ROR2: variants seen among roughly 807,000 people sequenced by gnomAD.
ROR2 encodes the protein tyrosine-protein kinase transmembrane receptor ROR2.
Under a neutral mutation model 74.9 loss-of-function variants are expected in ROR2, and 33 were observed. That is an observed-to-expected ratio of 0.44 (90% CI 0.33 to 0.59). ROR2 has a LOEUF of 0.59. Among genes scored for constraint, ROR2 ranks in the 20% least tolerant of loss-of-function variants. ROR2 has a pLI of 0.02. For missense variants in ROR2, 1,216 were observed against 1,313.8 expected (o/e 0.93, Z 1.15); for synonymous variants, 586 against 558.7 (o/e 1.05, Z -0.69).
At chr9:91,882,416 A>T (rs947842816) in intron 1 of ROR2, among the ~76,000 whole-genome samples, 5 of 152,066 alleles carry the variant, frequency 3.3e-5, no homozygotes, top group East Asian at 1.9e-4. Flanking sequence ...GTCTCAAAAA[A>T]AAAAAAAAAA....
intron 1 of ROR2, among the ~76,000 whole-genome samples, chr9:91,924,405 G>A (rs988390568): frequency 1.3e-5 from 2 of 152,236 alleles, no homozygotes; most frequent in South Asian, 2.1e-4. Flanking sequence ...TTCTGCCTGC[G>A]TCCTCCTGTC....
chr9:91,861,486 T>C (rs372859643), intron 1 of ROR2, among the ~76,000 whole-genome samples: 25 of 152,322 alleles, frequency 1.6e-4, no homozygotes, highest in Non-Finnish European at 3.1e-4. Context: ...TTTGACAAAG[T>C]TGCCAAAACA....
chr9:91,880,354 T>G (rs1355137447), intron 1 of ROR2, among the ~76,000 whole-genome samples: 1 of 152,200 alleles, frequency 6.6e-6, no homozygotes, highest in African/African-American at 2.4e-5. Context: ...TGTGGTGCAT[T>G]GTTACAGCAG....
intron 5 of ROR2, among the ~76,000 whole-genome samples, chr9:91,736,249 A>G (rs926507659): frequency 7.9e-5 from 12 of 152,158 alleles, no homozygotes; most frequent in African/African-American, 2.9e-4. Context: ...CCCTGTCCTC[A>G]GAGGTCTCTG....
intron 1 of ROR2, chr9:91,948,829 A>G (rs942195050): frequency 3.0e-6 from 3 of 985,322 alleles, no homozygotes; most frequent in African/African-American, 3.5e-5. Context: ...CCTGGGCCTG[A>G]AGGCCCCGCC....
intron 1 of ROR2, among the ~76,000 whole-genome samples, chr9:91,776,728 A>C (rs1291498890): frequency 6.6e-6 from 1 of 152,206 alleles, no homozygotes; most frequent in African/African-American, 2.4e-5. Flanking sequence ...TTTGGATTTG[A>C]AATTTTACAT....
At chr9:91,789,686 T>C (rs549235643) in intron 1 of ROR2, among the ~76,000 whole-genome samples, 29 of 152,186 alleles carry the variant, frequency 1.9e-4, no homozygotes, top group African/African-American at 6.7e-4. Context: ...CCATCAAATA[T>C]ATATAAACAA....
chr9:91,834,572 T>G (rs1216017007), intron 1 of ROR2, among the ~76,000 whole-genome samples: 3 of 152,208 alleles, frequency 2.0e-5, no homozygotes, highest in Non-Finnish European at 2.9e-5. Flanking sequence ...GGCTGCTCTG[T>G]GACAGCCATG....
chr9:91,872,710 A>G (rs1829833614), intron 1 of ROR2, among the ~76,000 whole-genome samples: 1 of 152,238 alleles, frequency 6.6e-6, no homozygotes, highest in Admixed American at 6.5e-5. Context: ...CTGGAAATAC[A>G]GAAATATGCA....
chr9:91,818,079 G>A (rs1480082511), intron 1 of ROR2, among the ~76,000 whole-genome samples: 1 of 152,086 alleles, frequency 6.6e-6, no homozygotes, highest in East Asian at 1.9e-4. Flanking sequence ...TGTAGTTTCT[G>A]CCAAACTAAA....
Position 91,724,315 on chromosome 9 carries a change from C to CG in ROR2, c.2178dup (p.Glu727ArgfsTer169). ...CGGCTGGGGAACTCGTTCCAGCACTCGATCATGAGGGCATACACCCAGGCG... is the reference window on the plus strand; with the variant it reads ...CGGCTGGGGAACTCGTTCCAGCACTCGGATCATGAGGGCATACACCCAGGCG... On this transcript the variant is annotated frameshift_variant, in exon 9 of 9. Coordinates refer to ENST00000375708, the MANE Select transcript of ROR2 (RefSeq NM_004560.4). LOFTEE classifies it high-confidence loss of function. The CG allele has an allele frequency of 6.2e-7, 1 of 1,613,140 alleles. No homozygotes were observed. Among genetic ancestry groups the CG allele is most frequent in the Non-Finnish European group, 8.5e-7 (1 of 1,180,014 alleles).
chr9:91,802,476 G>A (rs1177490191), intron 1 of ROR2, among the ~76,000 whole-genome samples: 1 of 152,160 alleles, frequency 6.6e-6, no homozygotes, highest in Non-Finnish European at 1.5e-5. Context: ...GCAGGGAAAA[G>A]GAGCGACTTC....
chr9:91,865,338 A>C (rs1421508432), intron 1 of ROR2, among the ~76,000 whole-genome samples: 1 of 152,202 alleles, frequency 6.6e-6, no homozygotes, highest in Admixed American at 6.5e-5. Context: ...CAGATTAGAG[A>C]CACTCAAGGA....
chr9:91,905,818 C>A lies in ROR2; in HGVS notation c.97+44049G>T, dbSNP rs980377696. On this transcript the variant is annotated intron_variant, in intron 1 of 8. Coordinates refer to ENST00000375708, the MANE Select transcript of ROR2 (RefSeq NM_004560.4). The surrounding 1 kb of genome is among the most constrained non-coding windows in gnomAD (Gnocchi z 5.3). Reference sequence around the variant, plus strand: ...AAGCCCAAGAACTAAGAGAGGGAGCCAATCAACTTTTTTTTTTTAAGAGCT... The same window carrying A: ...AAGCCCAAGAACTAAGAGAGGGAGCAAATCAACTTTTTTTTTTTAAGAGCT... 1.3e-5 allele frequency among the ~76,000 whole-genome samples: 2 copies of A among 151,576 alleles called. No homozygotes were observed. The highest frequency in any genetic ancestry group is 4.9e-5 in the African/African-American group (2 of 41,220).
Position 91,752,060 on chromosome 9 carries a change from A to G in ROR2, c.494+4011T>C, listed in dbSNP as rs116809605. The stretch of plus-strand genomic sequence containing the variant: ...TAAAAAATCACTTGAATCACTGCAT[A>G]CACCGGAATAGCTACACTTAAAAAG... On this transcript the variant is annotated intron_variant, in intron 4 of 8. Coordinates refer to ENST00000375708, the MANE Select transcript of ROR2 (RefSeq NM_004560.4). 1.2e-3 allele frequency among the ~76,000 whole-genome samples: 177 copies of G among 152,364 alleles called. 2 individuals are homozygous for G. The highest frequency in any genetic ancestry group is 3.9e-3 in the African/African-American group (161 of 41,586).
chr9:91,855,295 G>A (rs536058491), intron 1 of ROR2, among the ~76,000 whole-genome samples: 3 of 152,170 alleles, frequency 2.0e-5, no homozygotes, highest in Middle Eastern at 3.2e-3. Flanking sequence ...TGCCCAGAAA[G>A]CCCAGGCCCT....
At chr9:91,759,633 A>G (rs1825854676) in intron 2 of ROR2, among the ~76,000 whole-genome samples, 2 of 152,074 alleles carry the variant, frequency 1.3e-5, no homozygotes, top group Admixed American at 6.5e-5. Context: ...TGACGATGTG[A>G]AGTGGTGGTT....
chr9:91,934,159 T>G (rs894434571), intron 1 of ROR2, among the ~76,000 whole-genome samples: 4 of 152,190 alleles, frequency 2.6e-5, no homozygotes, highest in African/African-American at 9.7e-5. Context: ...AATCACACCC[T>G]TCTCAGTTTT....
intron 1 of ROR2, among the ~76,000 whole-genome samples, chr9:91,812,479 C>A (rs1424710914): frequency 6.6e-6 from 1 of 151,966 alleles, no homozygotes. Flanking sequence ...AAAACCAACA[C>A]TGAATGTTAT....
Sources: allele counts gnomAD v4.1 joint callset (sites outside exome capture counted in the v4.1 genomes callset), GRCh38; gene constraint gnomAD v4.1.1; non-coding constraint Gnocchi (gnomAD v3.1); transcripts MANE v1.5; gene names NCBI Gene and HGNC (gene_info 2026-07-23, HGNC 2026-07-21).